RUSC2: variants seen among roughly 807,000 people sequenced by gnomAD.
The protein encoded by RUSC2 is RUN and SH3 domain containing 2.
RUSC2 carries 34 observed loss-of-function variants against 122.2 expected under a neutral mutation model. That is an observed-to-expected ratio of 0.28 (90% CI 0.21 to 0.37). RUSC2 has a LOEUF of 0.37. Among genes scored for constraint, RUSC2 ranks in the 10% least tolerant of loss-of-function variants. The pLI, the probability that RUSC2 is intolerant of heterozygous loss-of-function variation, is 1.00. For missense variants in RUSC2, 1,747 were observed against 1,952.4 expected (o/e 0.89, Z 1.98); for synonymous variants, 784 against 790.0 (o/e 0.99, Z 0.13).
In RUSC2 at chr9:35,555,254, C is replaced by G. The variant is rs1336572608; in HGVS notation, c.2209C>G (p.Pro737Ala). ...RTQQPAPLAA[P>A]AAQVSVPAPS... ...ACAGCAGCCTGCCCCACTGGCTGCC[C>G]CTGCTGCTCAAGTCTCAGTCCCAGC... The change falls in exon 3 of 12, where the codon CCT becomes GCT. Residue 737 changes from proline (P) to alanine (A), a missense_variant. Physicochemically the swap from Pro to Ala is conservative, Grantham distance 27. Transcript: ENST00000361226. This position sits in a 1 kb window ranked among gnomAD's most constrained non-coding sequence, Gnocchi z 4.6. 1.2e-6 allele frequency: 2 copies of G among 1,613,364 alleles called. No individual in the cohort carries two copies. The highest frequency in any genetic ancestry group is 2.2e-5 in the South Asian group (2 of 91,082).
chr9:35,493,688 A>G (rs1436281834), intron 1 of RUSC2, among the ~76,000 whole-genome samples: 1 of 151,944 alleles, frequency 6.6e-6, no homozygotes, highest in African/African-American at 2.4e-5. Flanking sequence ...TTGTTAGTAG[A>G]GAGGGGGTTT....
rs534089104 is a variant in RUSC2, at chr9:35,549,648, T to C, written c.2014+1113T>C. Among the ~76,000 whole-genome samples, 13 of 152,346 alleles carry C rather than the reference T, an allele frequency of 8.5e-5. No individual in the cohort carries two copies. The South Asian group carries it at 2.7e-3, about 32-fold the overall frequency. On this transcript the variant is annotated intron_variant, in intron 2 of 11. Transcript: ENST00000361226. ...GAAAGATGATTAGGATTGGGCTTTGTGACGACTTGTAAGAAGAATGTTCTA... is the reference window on the plus strand; with the variant it reads ...GAAAGATGATTAGGATTGGGCTTTGCGACGACTTGTAAGAAGAATGTTCTA...
At chr9:35,531,372 T>C (rs1821415787) in intron 1 of RUSC2, among the ~76,000 whole-genome samples, 1 of 152,186 alleles carries the variant, frequency 6.6e-6, no homozygotes, top group Non-Finnish European at 1.5e-5. Context: ...TGTGCCTGTA[T>C]ATGTGATAGC....
chr9:35,495,059 CTATAGTATATATTATA>C (rs1460974091), intron 1 of RUSC2, among the ~76,000 whole-genome samples: 3 of 30,898 alleles, frequency 9.7e-5, no homozygotes, highest in Non-Finnish European at 1.7e-4. Flanking sequence ...ATAATATATA[CTATAGTATATATTATA>C]TATAGTATAT....
chr9:35,516,022 A>AAAAAAAAAAAAAAG lies in RUSC2; in HGVS notation c.-93+25851_-93+25852insAAAAAAAAAAAAGA, dbSNP rs1554724501. On this transcript the variant is annotated intron_variant, in intron 1 of 11. Transcript: ENST00000361226. The stretch of plus-strand genomic sequence containing the variant: ...CTCAAAAAAAAAAAAAAAAAAAAAA[A>AAAAAAAAAAAAAAG]AGAGAAATGCGCTTATGACAAACAT... 3.7e-3 allele frequency among the ~76,000 whole-genome samples: 471 copies of AAAAAAAAAAAAAAG among 127,008 alleles called. 11 individuals carry two copies. The highest frequency in any genetic ancestry group is 6.0e-3 in the Non-Finnish European group (362 of 60,690). The allele number at this position is 127,008 out of a possible 152,430, so 83.3% of individuals were successfully genotyped here.
intron 1 of RUSC2, among the ~76,000 whole-genome samples, chr9:35,538,346 G>A (rs1821571641): frequency 6.6e-6 from 1 of 152,174 alleles, no homozygotes; most frequent in Non-Finnish European, 1.5e-5. Context: ...GTCTCTCTAG[G>A]AAGGCCAGTG....
chr9:35,497,237 A>G (rs1389861280), intron 1 of RUSC2, among the ~76,000 whole-genome samples: 1 of 152,200 alleles, frequency 6.6e-6, no homozygotes, highest in African/African-American at 2.4e-5. Context: ...CATTGTGGAT[A>G]TGTTGAACCC....
At chr9:35,493,845 T>A (rs1820618215) in intron 1 of RUSC2, among the ~76,000 whole-genome samples, 1 of 152,156 alleles carries the variant, frequency 6.6e-6, no homozygotes, top group South Asian at 2.1e-4. Flanking sequence ...TTCCATTGTA[T>A]GTATACACTA....
intron 1 of RUSC2, among the ~76,000 whole-genome samples, chr9:35,525,660 G>A (rs989244916): frequency 6.6e-6 from 1 of 152,106 alleles, no homozygotes; most frequent in Admixed American, 6.5e-5. Flanking sequence ...TTAGCCTGGC[G>A]TGGAGGCACA....
chr9:35,542,973 T>C (rs894774613), intron 1 of RUSC2, among the ~76,000 whole-genome samples: 8 of 152,206 alleles, frequency 5.3e-5, no homozygotes, highest in South Asian at 2.1e-4. Context: ...AAGGTACTCA[T>C]TGAAGGTCAG....
At chr9:35,518,727 A>G (rs1821154485) in intron 1 of RUSC2, among the ~76,000 whole-genome samples, 1 of 152,188 alleles carries the variant, frequency 6.6e-6, no homozygotes, top group South Asian at 2.1e-4. Flanking sequence ...GTACGTGCTA[A>G]AAACTATACA....
rs954529571 is a variant in RUSC2, at chr9:35,557,440, C to T, written c.2984-474C>T. 2.0e-5 allele frequency among the ~76,000 whole-genome samples: 3 copies of T among 152,128 alleles called. No individual in the cohort carries two copies. Among genetic ancestry groups the T allele is most frequent in the African/African-American group, 7.2e-5 (3 of 41,412 alleles). ...GTTTATAACTAGGGAACTCTGTTCT[C>T]TGAAGCAGAACCAAGGGCTTGAGAG... On this transcript the variant is annotated intron_variant, in intron 5 of 11. Transcript: ENST00000361226. The surrounding 1 kb of genome is among the most constrained non-coding windows in gnomAD (Gnocchi z 4.6).
intron 2 of RUSC2, among the ~76,000 whole-genome samples, chr9:35,553,201 G>T (rs1379688291): frequency 6.6e-6 from 1 of 152,170 alleles, no homozygotes; most frequent in African/African-American, 2.4e-5. Context: ...AGCAGGTGTG[G>T]GCAACTAGCT....
chr9:35,555,938 T>C lies in RUSC2; in HGVS notation c.2657-14T>C. ...GCCAACTCTTGTCTTTCTGCTAATC[T>C]GTTCTGCTTCCAGCCAACCACCTAT... On this transcript the variant is annotated splice_polypyrimidine_tract_variant and intron_variant, in intron 3 of 11. Transcript: ENST00000361226. The surrounding 1 kb of genome is among the most constrained non-coding windows in gnomAD (Gnocchi z 4.6). 1.2e-6 allele frequency: 2 copies of C among 1,611,294 alleles called. No individual in the cohort carries two copies. The highest frequency in any genetic ancestry group is 1.7e-6 in the Non-Finnish European group (2 of 1,178,054).
At chr9:35,522,295 C>T (rs888707772) in intron 1 of RUSC2, among the ~76,000 whole-genome samples, 10 of 152,244 alleles carry the variant, frequency 6.6e-5, no homozygotes, top group Middle Eastern at 3.2e-3. Context: ...TTATTTCACT[C>T]CCCATATCTC....
intron 1 of RUSC2, among the ~76,000 whole-genome samples, chr9:35,494,387 C>T (rs936908575): frequency 3.3e-5 from 5 of 152,076 alleles, no homozygotes; most frequent in East Asian, 1.9e-4. Context: ...TGGCTTGAAC[C>T]GGGGAGGCTG....
intron 1 of RUSC2, among the ~76,000 whole-genome samples, chr9:35,524,013 G>T (rs543598810): frequency 6.6e-6 from 1 of 152,022 alleles, no homozygotes; most frequent in South Asian, 2.1e-4. Context: ...AATCAATGTA[G>T]AAGGAATAAT....
intron 1 of RUSC2, among the ~76,000 whole-genome samples, chr9:35,502,048 A>C (rs1314162197): frequency 6.6e-6 from 1 of 152,144 alleles, no homozygotes; most frequent in Admixed American, 6.5e-5. Context: ...TCTTTGTCCA[A>C]TACTTCTACA....
At chr9:35,556,192 G>C in intron 4 of RUSC2, 55 bp downstream of exon 4, 1 of 1,603,440 alleles carries the variant, frequency 6.2e-7, no homozygotes, top group Non-Finnish European at 8.5e-7. Flanking sequence ...TGGCTGGAAA[G>C]GGCTAGAGAA....
Sources: allele counts gnomAD v4.1 joint callset (sites outside exome capture counted in the v4.1 genomes callset), GRCh38; gene constraint gnomAD v4.1.1; non-coding constraint Gnocchi (gnomAD v3.1); transcripts MANE v1.5; gene names NCBI Gene and HGNC (gene_info 2026-07-23, HGNC 2026-07-21).